The following CHN1 variants were observed in gnomAD, a reference collection of about 807,000 sequenced individuals.
CHN1 encodes the protein N-chimaerin.
A neutral mutation model predicts 59.5 loss-of-function variants in CHN1; 37 were observed. That is an observed-to-expected ratio of 0.62 (90% CI 0.48 to 0.82). The LOEUF (loss-of-function observed/expected upper bound fraction) is 0.82. CHN1 is among the 40% of genes least tolerant of loss of function. The pLI is 0.00. For missense variants in CHN1, 469 were observed against 571.0 expected (o/e 0.82, Z 1.82); for synonymous variants, 206 against 200.4 (o/e 1.03, Z -0.24).
chr2:174,997,454 C>G (rs1259937557), intron 1 of CHN1, among the ~76,000 whole-genome samples: 1 of 152,202 alleles, frequency 6.6e-6, no homozygotes, highest in Admixed American at 6.5e-5. Flanking sequence ...CTGAAATAAT[C>G]TTTTCATGCT....
intron 6 of CHN1, among the ~76,000 whole-genome samples, chr2:174,863,092 T>C (rs1687116378): frequency 6.6e-6 from 1 of 152,200 alleles, no homozygotes; most frequent in African/African-American, 2.4e-5. Context: ...GACAGCTTCC[T>C]ACTACTTCAA....
intron 5 of CHN1, among the ~76,000 whole-genome samples, chr2:174,913,320 A>T (rs957228141): frequency 6.6e-6 from 1 of 152,194 alleles, no homozygotes; most frequent in African/African-American, 2.4e-5. Flanking sequence ...TTCCTTCCTT[A>T]TTCTGGACCA....
intron 8 of CHN1, among the ~76,000 whole-genome samples, chr2:174,820,662 G>C (rs1685454992): frequency 1.3e-5 from 2 of 152,210 alleles, no homozygotes. Context: ...GCATTCTCAG[G>C]ATGGTCCCTG....
At chr2:174,887,870 A>C (rs78629874) in intron 5 of CHN1, among the ~76,000 whole-genome samples, 6,322 of 152,262 alleles carry the variant, frequency 0.042, 463 homozygotes, top group African/African-American at 0.14. Context: ...ATTCAATGCA[A>C]TTCTACTAAA....
chr2:174,994,443 T>G (rs929962781), intron 1 of CHN1, among the ~76,000 whole-genome samples: 5 of 152,214 alleles, frequency 3.3e-5, no homozygotes, highest in Admixed American at 6.5e-5. Flanking sequence ...CATCCAACAT[T>G]TATTGAGTAG....
At chr2:174,824,367 C>T in intron 8 of CHN1, 67 bp downstream of exon 8, 2 of 1,152,302 alleles carry the variant, frequency 1.7e-6, no homozygotes, top group Non-Finnish European at 2.5e-6. Flanking sequence ...AACAACAAGT[C>T]TCCTTCTACC....
chr2:174,879,254 T>A (rs1447229314), intron 5 of CHN1, among the ~76,000 whole-genome samples: 2 of 152,204 alleles, frequency 1.3e-5, no homozygotes, highest in Admixed American at 1.3e-4. Flanking sequence ...TCCAAATGAA[T>A]AGGAGTTAGG....
chr2:174,813,663 A>G (rs1685148257), intron 8 of CHN1, among the ~76,000 whole-genome samples: 1 of 152,248 alleles, frequency 6.6e-6, no homozygotes, highest in Non-Finnish European at 1.5e-5. Context: ...AACTAAAATA[A>G]ATGTCATCTT....
rs577127481 is a variant in CHN1 at position 174,909,697 on chromosome 2, A to C, written c.260+5361T>G. ...TCATAACATCACTAGAATACTGACC[A>C]TCCATGCTATTATTACATTTCTGAA... On this transcript the variant is annotated intron_variant, in intron 5 of 12. Coordinates refer to ENST00000409900, the MANE Select transcript of CHN1 (RefSeq NM_001822.7). Among the ~76,000 whole-genome samples the C allele has an allele frequency of 5.3e-5, 8 of 152,348 alleles. No individual in the cohort carries two copies. In the South Asian group the frequency reaches 1.5e-3, roughly 28 times the overall value.
chr2:174,946,198 ATAATT>A (rs1689830698), intron 2 of CHN1, among the ~76,000 whole-genome samples: 1 of 152,188 alleles, frequency 6.6e-6, no homozygotes, highest in Non-Finnish European at 1.5e-5. Flanking sequence ...AAGGATATAA[ATAATT>A]TATGTGAAAG....
intron 7 of CHN1, among the ~76,000 whole-genome samples, chr2:174,839,134 A>G (rs891621088): frequency 5.3e-5 from 8 of 152,200 alleles, no homozygotes; most frequent in African/African-American, 1.9e-4. Context: ...AAATGGCTAA[A>G]TTGAGCTAAT....
At chr2:174,833,294 A>G (rs1685943505) in intron 7 of CHN1, among the ~76,000 whole-genome samples, 1 of 152,142 alleles carries the variant, frequency 6.6e-6, no homozygotes, top group Non-Finnish European at 1.5e-5. Flanking sequence ...TTCTTGATTA[A>G]TTTTACATTC....
intron 1 of CHN1, among the ~76,000 whole-genome samples, chr2:174,976,126 CAAAAAAAAA>C (rs71031078): frequency 2.6e-3 from 133 of 50,200 alleles, no homozygotes; most frequent in Admixed American, 4.6e-3. Flanking sequence ...GACTCCGTCT[CAAAAAAAAA>C]AAAAAAAAAA....
intron 7 of CHN1, among the ~76,000 whole-genome samples, chr2:174,834,930 C>T (rs991925231): frequency 6.6e-6 from 1 of 151,980 alleles, no homozygotes; most frequent in Non-Finnish European, 1.5e-5. Context: ...TAAGAGAAAC[C>T]AAACGTATGT....
At chr2:174,958,745 T>C (rs1479088371) in intron 1 of CHN1, among the ~76,000 whole-genome samples, 1 of 152,192 alleles carries the variant, frequency 6.6e-6, no homozygotes, top group Non-Finnish European at 1.5e-5. Context: ...AGGTTTGTTG[T>C]TGAGAATTAA....
At chr2:174,992,076 A>T (rs1691562431) in intron 1 of CHN1, among the ~76,000 whole-genome samples, 1 of 152,240 alleles carries the variant, frequency 6.6e-6, no homozygotes, top group Admixed American at 6.5e-5. Flanking sequence ...TGGGTGACAG[A>T]GGGCAGAGGA....
chr2:174,925,424 C>T (rs748085798), intron 3 of CHN1, among the ~76,000 whole-genome samples: 2 of 152,220 alleles, frequency 1.3e-5, no homozygotes, highest in Non-Finnish European at 2.9e-5. Context: ...GAAAAGGCCC[C>T]GCAAAGCCAT....
intron 1 of CHN1, among the ~76,000 whole-genome samples, chr2:175,002,331 T>G (rs1483338829): frequency 2.0e-5 from 3 of 152,156 alleles, no homozygotes; most frequent in African/African-American, 7.2e-5. Flanking sequence ...GGTTCTTCTA[T>G]CCCAAAATAA....
chr2:174,806,492 G>A (rs1052291169), intron 11 of CHN1, among the ~76,000 whole-genome samples: 6 of 152,134 alleles, frequency 3.9e-5, no homozygotes, highest in Non-Finnish European at 7.4e-5. Flanking sequence ...CCTGTCCCTC[G>A]TTTGAAAGGG....
Sources: gnomAD v4.1 joint callset for allele counts (sites outside exome capture counted in the v4.1 genomes callset) on GRCh38, gnomAD v4.1.1 for gene constraint, MANE v1.5 for transcripts, NCBI Gene and HGNC (gene_info 2026-07-23, HGNC 2026-07-21) for gene names.